Variants in HHLA1 observed in about 807,000 individuals in gnomAD.
HHLA1 encodes HHLA1 neighbor of OC90.
A neutral mutation model predicts 69.9 loss-of-function variants in HHLA1; 72 were observed. The observed-to-expected ratio is 1.03, with a 90% CI of 0.85 to 1.25. The LOEUF is 1.25. HHLA1 is among the 50% of genes most tolerant of loss of function. The pLI is 0.00. For missense variants in HHLA1, 685 were observed against 642.2 expected, an observed-to-expected ratio of 1.07 and a Z score of -0.72; for synonymous variants, 252 against 233.2, an observed-to-expected ratio of 1.08 and a Z score of -0.73.
At chr8:132,105,308 C>G in intron 1 of HHLA1, 22 bp from the exon 2 acceptor site, 1 of 1,439,682 alleles carries the variant, frequency 6.9e-7, no homozygotes, top group Non-Finnish European at 9.6e-7. Flanking sequence ...CAAGCAAACA[C>G]TTAGGAAACT....
intron 14 of HHLA1, among the ~76,000 whole-genome samples, chr8:132,071,891 G>C (rs1218994696): frequency 1.3e-5 from 2 of 151,946 alleles, no homozygotes; most frequent in South Asian, 4.2e-4. Context: ...GGGATATGAG[G>C]TATGTATATG....
At chr8:132,087,418 G>C (rs924232267) in intron 10 of HHLA1, among the ~76,000 whole-genome samples, 1 of 152,168 alleles carries the variant, frequency 6.6e-6, no homozygotes, top group African/African-American at 2.4e-5. Flanking sequence ...GGGAATGAGA[G>C]TGGCAGTTAC....
chr8:132,073,830 G>T (rs1330980099), intron 14 of HHLA1, among the ~76,000 whole-genome samples: 2 of 152,044 alleles, frequency 1.3e-5, no homozygotes, highest in Admixed American at 6.6e-5. Context: ...GCATCCTCTT[G>T]GTTCTATCTC....
intron 7 of HHLA1, among the ~76,000 whole-genome samples, chr8:132,091,053 T>C (rs1042191103): frequency 3.9e-5 from 6 of 152,204 alleles, no homozygotes; most frequent in Non-Finnish European, 8.8e-5. Flanking sequence ...TTCTTAGTCA[T>C]TTGTGGAAAC....
At chr8:132,068,088 T>C (rs1823470732) in intron 15 of HHLA1, among the ~76,000 whole-genome samples, 1 of 152,248 alleles carries the variant, frequency 6.6e-6, no homozygotes, top group South Asian at 2.1e-4. Context: ...TGATAGAGGA[T>C]ATCAAGCAAC....
At chr8:132,071,558 A>T in intron 14 of HHLA1, 65 bp from the exon 15 acceptor site, 2 of 1,460,056 alleles carry the variant, frequency 1.4e-6, no homozygotes, top group Non-Finnish European at 1.9e-6. Context: ...CTCTTCGTTA[A>T]GCCCTGCATC....
chr8:132,077,695 G>T, intron 12 of HHLA1, 31 bp downstream of exon 12: 1 of 1,539,382 alleles, frequency 6.5e-7, no homozygotes, highest in South Asian at 1.2e-5. Flanking sequence ...AATTTAAAAC[G>T]GGAGAGGTAG....
chr8:132,076,578 T>A, intron 12 of HHLA1, 35 bp from the exon 13 acceptor site: 1 of 1,407,500 alleles, frequency 7.1e-7, no homozygotes, highest in Non-Finnish European at 9.5e-7. Flanking sequence ...AGCCTGCATC[T>A]CTTCTAGGGG....
At chr8:132,081,089 C>T (rs1301596694) in intron 10 of HHLA1, 1 of 152,168 alleles carries the variant, frequency 6.6e-6, no homozygotes, top group African/African-American at 2.4e-5. Context: ...TATTTATTTA[C>T]TTCAAGAGTT....
chr8:132,102,792 ATTTTTTTT>A lies in HHLA1; in HGVS notation c.139+1308_139+1315del, dbSNP rs3048490. 3.5e-3 allele frequency among the ~76,000 whole-genome samples: 508 copies of A among 143,896 alleles called. 2 individuals are homozygous for A. The highest frequency in any genetic ancestry group is 0.017 in the Middle Eastern group (5 of 290). 94.4% of individuals were successfully genotyped at this position (143,896 alleles called of 152,430 possible). ...TGTGTCATCTTCTTCACTGAGCACC[ATTTTTTTT>A]TTTTTTTTTTTTTTTTTTAGCACTA... On this transcript the variant is annotated intron_variant, in intron 3 of 16. Transcript: ENST00000414222.
At chr8:132,092,810 C>A (rs1351789729) in intron 7 of HHLA1, among the ~76,000 whole-genome samples, 1 of 152,152 alleles carries the variant, frequency 6.6e-6, no homozygotes, top group African/African-American at 2.4e-5. Flanking sequence ...CTTTCCAAAT[C>A]CTTTCTCCTC....
At chr8:132,081,630 T>C (rs1285765938) in intron 10 of HHLA1, among the ~76,000 whole-genome samples, 4 of 152,200 alleles carry the variant, frequency 2.6e-5, no homozygotes, top group Non-Finnish European at 5.9e-5. Context: ...AAGAAATGAC[T>C]GCGGTGGCCT....
chr8:132,090,108 C>A (rs1195000734), intron 7 of HHLA1, among the ~76,000 whole-genome samples: 1 of 152,176 alleles, frequency 6.6e-6, no homozygotes, highest in Non-Finnish European at 1.5e-5. Context: ...CACCAGGAAC[C>A]TTTCCTTCTG....
chr8:132,105,217 G>T lies in HHLA1; in HGVS notation c.49C>A (p.Leu17Met). The part of the protein sequence containing the change: ...RGPSMKLCMG[L>M]ACVLSLWNTV... Reference sequence around the variant, plus strand: ...TTCCAAAGGGACAAGACACATGCCAGGCCCATGCACAGCTTCATTGAAGGA... The same window carrying T: ...TTCCAAAGGGACAAGACACATGCCATGCCCATGCACAGCTTCATTGAAGGA... The change falls in exon 2 of 17, where the codon CTG becomes ATG. Residue 17 changes from leucine to methionine, a missense_variant. Physicochemically the swap from Leu to Met is conservative, Grantham distance 15. Transcript: ENST00000414222. 2 of 1,552,160 alleles carry T rather than the reference G, an allele frequency of 1.3e-6. No homozygotes were observed. The highest frequency in any genetic ancestry group is 1.7e-6 in the Non-Finnish European group (2 of 1,147,062).
At chr8:132,084,935 G>A (rs1425152417) in intron 10 of HHLA1, among the ~76,000 whole-genome samples, 2 of 151,996 alleles carry the variant, frequency 1.3e-5, no homozygotes, top group African/African-American at 2.4e-5. Flanking sequence ...AGAAGGGGTT[G>A]AGGGGTACTT....
intron 10 of HHLA1, among the ~76,000 whole-genome samples, chr8:132,083,110 C>A (rs1823788110): frequency 6.7e-6 from 1 of 150,146 alleles, no homozygotes; most frequent in African/African-American, 2.4e-5. Context: ...GAGGAGGACG[C>A]AAAGGAGGCT....
At chr8:132,089,762 TGA>T (rs966891255) in intron 7 of HHLA1, among the ~76,000 whole-genome samples, 163 bp from the exon 8 acceptor site, 2 of 152,208 alleles carry the variant, frequency 1.3e-5, no homozygotes, top group African/African-American at 4.8e-5. Context: ...TTCTAAAAAA[TGA>T]AAAGTCTTGA....
At chr8:132,105,065 A>G in intron 2 of HHLA1, 122 bp downstream of exon 2, 2 of 774,738 alleles carry the variant, frequency 2.6e-6, no homozygotes, top group Non-Finnish European at 4.4e-6. Flanking sequence ...TATTCTTGCC[A>G]TTTTGAACAA....
At chr8:132,093,270 C>T (rs1428257923) in intron 7 of HHLA1, among the ~76,000 whole-genome samples, 1 of 152,102 alleles carries the variant, frequency 6.6e-6, no homozygotes, top group Non-Finnish European at 1.5e-5. Context: ...GGTGGGATAT[C>T]AGCTATTTCT....
Sources: gnomAD v4.1 joint callset for allele counts (sites outside exome capture counted in the v4.1 genomes callset) on GRCh38, gnomAD v4.1.1 for gene constraint, MANE v1.5 for transcripts, NCBI Gene and HGNC (gene_info 2026-07-23, HGNC 2026-07-21) for gene names.